The following PTPRG variants were observed in gnomAD, a reference collection of about 807,000 sequenced individuals.
PTPRG encodes protein tyrosine phosphatase receptor type G.
In PTPRG, 102 loss-of-function variants were observed where a neutral mutation model predicts 165.3. That is an observed-to-expected ratio of 0.62 (90% CI 0.53 to 0.73). The LOEUF is 0.73. Ranked by LOEUF, PTPRG falls within the 30% of genes least tolerant of loss-of-function variation. PTPRG has a pLI of 0.00. For synonymous variants in PTPRG, 675 were observed against 669.5 expected (o/e 1.01, Z -0.13); for missense variants, 1,866 against 1,861.4 (o/e 1.00, Z -0.05).
rs144769407 is a variant in PTPRG, at chr3:61,617,604, G to A, written c.85+55232G>A. Among the ~76,000 whole-genome samples the A allele has an allele frequency of 4.9e-4, 74 of 152,248 alleles. No homozygotes were observed. In the East Asian group the frequency reaches 8.7e-3, roughly 18 times the overall value. Reference sequence around the variant, plus strand: ...AAAGGCTTAATTTTACAGGCTTACCGGGGAGGCAAGCTTATTGTTTACAGC... The same window carrying A: ...AAAGGCTTAATTTTACAGGCTTACCAGGGAGGCAAGCTTATTGTTTACAGC... On this transcript the variant is annotated intron_variant, in intron 1 of 29. Transcript: ENST00000474889.
At chr3:61,737,112 C>A (rs1057225053) in intron 1 of PTPRG, among the ~76,000 whole-genome samples, 2 of 152,218 alleles carry the variant, frequency 1.3e-5, no homozygotes, top group Non-Finnish European at 2.9e-5. Flanking sequence ...TGTCTTTGAA[C>A]CCTATCATCT....
intron 1 of PTPRG, among the ~76,000 whole-genome samples, chr3:61,570,923 G>A (rs1294388188): frequency 6.6e-6 from 1 of 152,126 alleles, no homozygotes; most frequent in Non-Finnish European, 1.5e-5. Flanking sequence ...AACATCTTAC[G>A]GAAGTGGGGT....
Position 61,562,382 on chromosome 3 carries a change from G to A in PTPRG, c.85+10G>A, listed in dbSNP as rs1248227077. 1 of 1,612,684 alleles carries A rather than the reference G, an allele frequency of 6.2e-7. No homozygotes were observed. The highest frequency in any genetic ancestry group is 8.5e-7 in the Non-Finnish European group (1 of 1,179,220). On this transcript the variant is annotated intron_variant, in intron 1 of 29. Coordinates refer to ENST00000474889, the MANE Select transcript of PTPRG (RefSeq NM_002841.4). ...GTCGTGTGCTTCCCCGGTGAGTGCC[G>A]GCCGCCGAGGGGATGCGGCCCCGGC... is the stretch of plus-strand genomic sequence containing the variant.
chr3:61,627,069 A>C (rs1701630518), intron 1 of PTPRG, among the ~76,000 whole-genome samples: 1 of 150,496 alleles, frequency 6.6e-6, no homozygotes, highest in Admixed American at 6.7e-5. Flanking sequence ...CAGTGTGTGG[A>C]CTTTGAATTT....
intron 1 of PTPRG, among the ~76,000 whole-genome samples, chr3:61,643,219 G>A (rs1702110310): frequency 6.6e-6 from 1 of 152,018 alleles, no homozygotes; most frequent in Non-Finnish European, 1.5e-5. Context: ...GACCCCACAA[G>A]TTCATTTCTA....
intron 2 of PTPRG, among the ~76,000 whole-genome samples, chr3:61,839,035 A>C (rs2036547230): frequency 6.6e-6 from 1 of 152,218 alleles, no homozygotes; most frequent in African/African-American, 2.4e-5. Flanking sequence ...AGGAGTTTTC[A>C]GGTCTCTGAT....
At chr3:61,985,656 G>A (rs979142192) in intron 2 of PTPRG, among the ~76,000 whole-genome samples, 5 of 152,166 alleles carry the variant, frequency 3.3e-5, no homozygotes, top group African/African-American at 1.2e-4. Flanking sequence ...GACTGAGCAA[G>A]TGTCGATTCT....
chr3:61,746,840 C>A (rs943309176), intron 1 of PTPRG, among the ~76,000 whole-genome samples: 12 of 152,170 alleles, frequency 7.9e-5, no homozygotes, highest in Non-Finnish European at 8.8e-5. Context: ...AGCAAATTTC[C>A]ACTATGTTGT....
At chr3:61,774,046 A>G (rs1368652318) in intron 2 of PTPRG, among the ~76,000 whole-genome samples, 2 of 152,180 alleles carry the variant, frequency 1.3e-5, no homozygotes, top group African/African-American at 4.8e-5. Context: ...AAGTGCTAGG[A>G]TAACAGGTGT....
intron 1 of PTPRG, among the ~76,000 whole-genome samples, chr3:61,651,988 CTA>C (rs1442967657): frequency 4.6e-5 from 7 of 150,872 alleles, no homozygotes; most frequent in African/African-American, 9.8e-5. Flanking sequence ...CCAGCCTGGG[CTA>C]CACAGCGAGA....
At chr3:62,170,372 G>A (rs1194151503) in intron 8 of PTPRG, among the ~76,000 whole-genome samples, 2 of 152,154 alleles carry the variant, frequency 1.3e-5, no homozygotes, top group African/African-American at 4.8e-5. Context: ...TTGGGGGGGT[G>A]AGGAATTCCT....
At chr3:62,136,319 T>G (rs1404139318) in intron 6 of PTPRG, among the ~76,000 whole-genome samples, 2 of 152,192 alleles carry the variant, frequency 1.3e-5, no homozygotes, top group African/African-American at 4.8e-5. Context: ...GCAGCACACT[T>G]AACTCAAACT....
At chr3:61,622,242 A>C (rs1454198422) in intron 1 of PTPRG, among the ~76,000 whole-genome samples, 1 of 152,060 alleles carries the variant, frequency 6.6e-6, no homozygotes, top group Admixed American at 6.6e-5. Context: ...TTGTCAGGTA[A>C]AAAGACATTT....
chr3:62,182,757 T>G (rs1705708749), intron 8 of PTPRG, among the ~76,000 whole-genome samples: 1 of 152,194 alleles, frequency 6.6e-6, no homozygotes, highest in Non-Finnish European at 1.5e-5. Context: ...TCTTCCAGGT[T>G]CAAGCAATTC....
At chr3:61,864,285 A>G (rs1244928139) in intron 2 of PTPRG, among the ~76,000 whole-genome samples, 3 of 152,138 alleles carry the variant, frequency 2.0e-5, no homozygotes, top group South Asian at 2.1e-4. Context: ...CAGGATTTCT[A>G]TATGTACCCC....
At chr3:61,625,580 G>A (rs1318850144) in intron 1 of PTPRG, among the ~76,000 whole-genome samples, 1 of 152,084 alleles carries the variant, frequency 6.6e-6, no homozygotes, top group Non-Finnish European at 1.5e-5. Flanking sequence ...AAATACAAGG[G>A]TTTTCTGTTT....
At chr3:61,805,342 C>T (rs1371404746) in intron 2 of PTPRG, among the ~76,000 whole-genome samples, 1 of 152,032 alleles carries the variant, frequency 6.6e-6, no homozygotes, top group Non-Finnish European at 1.5e-5. Context: ...TTGATAGTGC[C>T]AAGGTTAAGA....
At chr3:62,087,280 A>G (rs914378010) in intron 5 of PTPRG, among the ~76,000 whole-genome samples, 1 of 152,150 alleles carries the variant, frequency 6.6e-6, no homozygotes, top group Non-Finnish European at 1.5e-5. Context: ...CAATCCAGCG[A>G]CTTTGTTTTT....
Position 62,255,994 on chromosome 3 carries a change from C to T in PTPRG, c.2559+779C>T, listed in dbSNP as rs975198469. On this transcript the variant is annotated intron_variant, in intron 16 of 29. Transcript: ENST00000474889. The surrounding 1 kb of genome is among the most constrained non-coding windows in gnomAD (Gnocchi z 4.0). ...CAGACTGCCCTTTTCTTCACTGAGG[C>T]GCTTAACTAAGGCACATCTCTGGCA... Among the ~76,000 whole-genome samples, 4 of 152,124 alleles carry T rather than the reference C, an allele frequency of 2.6e-5. No homozygotes were observed. Among genetic ancestry groups the T allele is most frequent in the Non-Finnish European group, 4.4e-5 (3 of 68,018 alleles).
Sources: gnomAD v4.1 joint callset for allele counts (sites outside exome capture counted in the v4.1 genomes callset) on GRCh38, gnomAD v4.1.1 for gene constraint, Gnocchi (gnomAD v3.1) non-coding constraint, MANE v1.5 for transcripts, NCBI Gene and HGNC (gene_info 2026-07-23, HGNC 2026-07-21) for gene names.